WDR43: variants seen among roughly 807,000 people sequenced by gnomAD.
WDR43 encodes WD repeat domain 43, also known as WD repeat-containing protein 43.
WDR43 carries 13 observed loss-of-function variants against 91.4 expected under a neutral mutation model. The ratio of observed to expected loss-of-function variants is 0.14; its 90% CI spans 0.09 to 0.23. The LOEUF (loss-of-function observed/expected upper bound fraction) is 0.23. WDR43 is among the 10% of genes least tolerant of loss of function. WDR43 has a pLI of 1.00. For missense variants in WDR43, 780 were observed against 809.4 expected, an observed-to-expected ratio of 0.96 and a Z score of 0.44; for synonymous variants, 331 against 287.9, an observed-to-expected ratio of 1.15 and a Z score of -1.51.
intron 1 of WDR43, 199 bp downstream of exon 1, chr2:28,895,122 C>T (rs1275122471): frequency 4.6e-6 from 2 of 432,184 alleles, no homozygotes; most frequent in African/African-American, 2.1e-5. Flanking sequence ...AGGGAGGGCG[C>T]AGCTCGACCC....
At chr2:28,895,103 A>C in intron 1 of WDR43, 180 bp downstream of exon 1, 1 of 512,840 alleles carries the variant, frequency 1.9e-6, no homozygotes, top group Non-Finnish European at 3.0e-6. Flanking sequence ...GCCTGCCGCG[A>C]GGGCAGTGAG....
At position 28,902,140 on chromosome 2, in the gene WDR43, T is replaced by C; in HGVS notation, c.363+16T>C. ...TAAATTAATAGTAAGTGTGTGTATATTTTATTTAAAAGTGATGTGACAGGG... is the reference window on the plus strand; with the variant it reads ...TAAATTAATAGTAAGTGTGTGTATACTTTATTTAAAAGTGATGTGACAGGG... On this transcript the variant is annotated intron_variant, in intron 2 of 17. Transcript: ENST00000407426. The C allele has an allele frequency of 6.5e-7, 1 of 1,536,750 alleles. No individual in the cohort carries two copies. The highest frequency in any genetic ancestry group is 8.7e-7 in the Non-Finnish European group (1 of 1,143,042).
chr2:28,935,666 A>G, intron 12 of WDR43, 59 bp downstream of exon 12: 1 of 1,213,406 alleles, frequency 8.2e-7, no homozygotes, highest in East Asian at 2.5e-5. Flanking sequence ...TGGAAAATTC[A>G]GTAGTTAGAG....
intron 16 of WDR43, among the ~76,000 whole-genome samples, chr2:28,943,033 A>T (rs1452223024): frequency 6.6e-6 from 1 of 152,234 alleles, no homozygotes; most frequent in Non-Finnish European, 1.5e-5. Context: ...AGAAATAAAA[A>T]GTTTGAAAAA....
At chr2:28,910,694 T>TATATATATATATATATAC (rs1001847583) in intron 3 of WDR43, among the ~76,000 whole-genome samples, 14 of 148,362 alleles carry the variant, frequency 9.4e-5, no homozygotes, top group Non-Finnish European at 2.1e-4. Flanking sequence ...TATATATATA[T>TATATATATATATATATAC]AATTATTATT....
chr2:28,902,188 A>T (rs536158294), intron 2 of WDR43, 64 bp downstream of exon 2: 26 of 1,257,972 alleles, frequency 2.1e-5, no homozygotes, highest in South Asian at 5.5e-5. Flanking sequence ...AGAGATTATT[A>T]AAAAAAAAAC....
At chr2:28,943,976 C>T (rs1210800925) in intron 16 of WDR43, among the ~76,000 whole-genome samples, 1 of 152,128 alleles carries the variant, frequency 6.6e-6, no homozygotes, top group Non-Finnish European at 1.5e-5. Context: ...CCAAAGTGAT[C>T]CCAAAGTGCT....
At chr2:28,915,772 C>G (rs73920399) in intron 5 of WDR43, among the ~76,000 whole-genome samples, 293 of 149,360 alleles carry the variant, frequency 2.0e-3, no homozygotes, top group African/African-American at 6.8e-3. Context: ...AAATCAAACC[C>G]CAGTACTATC....
intron 12 of WDR43, among the ~76,000 whole-genome samples, chr2:28,936,016 T>A (rs781260341): frequency 4.6e-5 from 7 of 152,202 alleles, no homozygotes; most frequent in Non-Finnish European, 8.8e-5. Flanking sequence ...CCGAAACCAT[T>A]TTTATATGTA....
chr2:28,940,306 C>T (rs924403997), intron 14 of WDR43, among the ~76,000 whole-genome samples: 2 of 151,782 alleles, frequency 1.3e-5, no homozygotes, highest in Non-Finnish European at 2.9e-5. Context: ...CTTGGCTCAC[C>T]GCAACCTCCG....
intron 14 of WDR43, among the ~76,000 whole-genome samples, chr2:28,940,926 AAT>A (rs1271772902): frequency 6.6e-6 from 1 of 152,222 alleles, no homozygotes; most frequent in African/African-American, 2.4e-5. Context: ...TCATTTTTTA[AAT>A]ATGTTTCAGA....
intron 14 of WDR43, among the ~76,000 whole-genome samples, chr2:28,939,487 G>T (rs190357835): frequency 6.6e-6 from 1 of 152,196 alleles, no homozygotes; most frequent in Non-Finnish European, 1.5e-5. Context: ...CCCTCAGCCC[G>T]TAGCAGTTAT....
Position 28,942,306 on chromosome 2 carries a change from T to C in WDR43, c.1735-6T>C. The C allele has an allele frequency of 6.2e-7, 1 of 1,611,218 alleles. No individual in the cohort carries two copies. ...TACTTCAGAACAGTACTTTATCTTCTTCCAGGTAACAGCATCAGAGAAGAC... is the reference window on the plus strand; with the variant it reads ...TACTTCAGAACAGTACTTTATCTTCCTCCAGGTAACAGCATCAGAGAAGAC... On this transcript the variant is annotated splice_polypyrimidine_tract_variant and splice_region_variant and intron_variant, in intron 15 of 17. Coordinates refer to ENST00000407426, the MANE Select transcript of WDR43 (RefSeq NM_015131.3).
intron 10 of WDR43, chr2:28,928,115 C>A (rs6755185): frequency 1.2e-5 from 2 of 164,808 alleles, no homozygotes; most frequent in South Asian, 1.6e-4. Flanking sequence ...TTATAACTGC[C>A]TAAGTGTTTA....
At chr2:28,917,765 A>G (rs1000453509) in intron 5 of WDR43, 128 bp from the exon 6 acceptor site, 1 of 757,950 alleles carries the variant, frequency 1.3e-6, no homozygotes, top group Non-Finnish European at 2.1e-6. Context: ...TCACTTTACT[A>G]GTTTTCAAAA....
chr2:28,942,187 T>A, intron 15 of WDR43, 125 bp from the exon 16 acceptor site: 5 of 808,450 alleles, frequency 6.2e-6, no homozygotes, highest in Non-Finnish European at 8.2e-6. Context: ...TGTATGAAGG[T>A]CCTCCATTAT....
At chr2:28,917,304 A>G (rs4464230) in intron 5 of WDR43, among the ~76,000 whole-genome samples, 102,592 of 152,044 alleles carry the variant, frequency 0.67, 35,219 homozygotes, top group East Asian at 0.85. Context: ...GACTTTGCAA[A>G]TAAGGAATCC....
At chr2:28,902,593 A>G (rs987242283) in intron 2 of WDR43, among the ~76,000 whole-genome samples, 9 of 152,162 alleles carry the variant, frequency 5.9e-5, no homozygotes, top group Admixed American at 2.0e-4. Flanking sequence ...TCTCTGATGG[A>G]GATGATGAGA....
chr2:28,901,601 A>G (rs1345702106), intron 1 of WDR43, among the ~76,000 whole-genome samples: 4 of 152,234 alleles, frequency 2.6e-5, no homozygotes, highest in African/African-American at 7.2e-5. Context: ...TTACGGATTC[A>G]TAGATTTTTG....
Sources: allele counts gnomAD v4.1 joint callset (sites outside exome capture counted in the v4.1 genomes callset), GRCh38; gene constraint gnomAD v4.1.1; transcripts MANE v1.5; gene names NCBI Gene and HGNC (gene_info 2026-07-23, HGNC 2026-07-21).